Variants in GCNT1 observed in about 807,000 individuals in gnomAD.
The protein encoded by GCNT1 is beta-1,3-galactosyl-O-glycosyl-glycoprotein beta-1,6-N-acetylglucosaminyltransferase.
A neutral mutation model predicts 26.2 loss-of-function variants in GCNT1; 16 were observed. The observed-to-expected ratio is 0.61, with a 90% CI of 0.41 to 0.93. The LOEUF (loss-of-function observed/expected upper bound fraction) is 0.93, where lower values mean the gene tolerates loss of function less well. Ranked by LOEUF, GCNT1 falls within the 40% of genes least tolerant of loss-of-function variation. The pLI, the probability that GCNT1 is intolerant of heterozygous loss-of-function variation, is 0.00. For synonymous variants in GCNT1, 183 were observed against 190.8 expected, an observed-to-expected ratio of 0.96 and a Z score of 0.34; for missense variants, 477 against 526.7, an observed-to-expected ratio of 0.91 and a Z score of 0.92.
chr9:76,495,650 A>C (rs1824888614), intron 2 of GCNT1, among the ~76,000 whole-genome samples: 1 of 152,140 alleles, frequency 6.6e-6, no homozygotes, highest in Non-Finnish European at 1.5e-5. Context: ...CTAGACACAG[A>C]GCACTGATTG....
chr9:76,441,232 G>A (rs181945396), upstream of GCNT1, among the ~76,000 whole-genome samples: 606 of 151,930 alleles, frequency 4.0e-3, 4 homozygotes, highest in African/African-American at 0.014. Context: ...TGCAACATCC[G>A]CCTCCCGGCC....
intron 2 of GCNT1, among the ~76,000 whole-genome samples, chr9:76,464,997 A>G (rs1044408693): frequency 3.3e-5 from 5 of 151,564 alleles, no homozygotes; most frequent in Non-Finnish European, 5.9e-5. Context: ...TGTTTTTGAG[A>G]CAGTCTTGCT....
chr9:76,453,367 G>A (rs550625017), intron 1 of GCNT1, among the ~76,000 whole-genome samples: 2 of 152,302 alleles, frequency 1.3e-5, no homozygotes, highest in African/African-American at 4.8e-5. Context: ...AAAAAGGAGG[G>A]ATGAGGATGA....
rs76486639 is a variant in GCNT1, at chr9:76,481,463, T to G, written c.-289-19453T>G. On this transcript the variant is annotated intron_variant, in intron 2 of 3. Coordinates refer to ENST00000376730, the MANE Select transcript of GCNT1 (RefSeq NM_001490.5). ...ATTGTTAGTGTTAGTGAATTTTATG[T>G]GTGGCCAAAAACACTTCTTCTTTTT... is the stretch of plus-strand genomic sequence containing the variant. Among the ~76,000 whole-genome samples the G allele has an allele frequency of 1.6e-4, 25 of 151,940 alleles. No individual in the cohort carries two copies. The East Asian group carries it at 4.9e-3, about 29-fold the overall frequency.
chr9:76,467,345 G>A (rs1318527007), intron 2 of GCNT1, among the ~76,000 whole-genome samples: 1 of 152,132 alleles, frequency 6.6e-6, no homozygotes, highest in Non-Finnish European at 1.5e-5. Context: ...CCCAGCCTCA[G>A]CTGATCTTTT....
intron 1 of GCNT1, among the ~76,000 whole-genome samples, chr9:76,425,760 T>G (rs1823251348): frequency 6.6e-6 from 1 of 152,032 alleles, no homozygotes; most frequent in Non-Finnish European, 1.5e-5. Flanking sequence ...TTAAGGACAA[T>G]TTGGTGTGTC....
chr9:76,482,585 C>T (rs1824451749), intron 2 of GCNT1, among the ~76,000 whole-genome samples: 1 of 151,908 alleles, frequency 6.6e-6, no homozygotes, highest in Non-Finnish European at 1.5e-5. Flanking sequence ...GATTGCACCA[C>T]TGCACTTCAG....
At chr9:76,445,692 T>C (rs769201063) in intron 1 of GCNT1, among the ~76,000 whole-genome samples, 2 of 151,294 alleles carry the variant, frequency 1.3e-5, no homozygotes, top group Non-Finnish European at 2.9e-5. Context: ...ATAAAAACTG[T>C]GGCTAGGTGG....
chr9:76,402,470 CATT>C, the GCNT1 span, among the ~76,000 whole-genome samples: 18 of 152,142 alleles, frequency 1.2e-4, no homozygotes, highest in African/African-American at 4.3e-4. Context: ...TCTGGTCTAA[CATT>C]GTTATTTTGC....
At chr9:76,394,497 C>T in the GCNT1 span, 1 of 247,276 alleles carries the variant, frequency 4.0e-6, no homozygotes, top group Non-Finnish European at 7.8e-6. Context: ...CGCCGGCGTG[C>T]GCTCCCTTCC....
intron 2 of GCNT1, among the ~76,000 whole-genome samples, chr9:76,461,194 CTTT>C (rs71372085): frequency 0.2 from 25,143 of 125,928 alleles, 2,875 homozygotes; most frequent in Non-Finnish European, 0.28. Context: ...GTGTAGGCAG[CTTT>C]TTTTTTTTTT....
chr9:76,396,082 C>G, the GCNT1 span, among the ~76,000 whole-genome samples: 1 of 152,146 alleles, frequency 6.6e-6, no homozygotes, highest in Admixed American at 6.5e-5. Context: ...TAAGAAAAGC[C>G]TGGAGGTGAG....
intron 2 of GCNT1, among the ~76,000 whole-genome samples, chr9:76,492,253 G>A (rs896664300): frequency 1.3e-5 from 2 of 151,992 alleles, no homozygotes; most frequent in Non-Finnish European, 2.9e-5. Flanking sequence ...TGGGTAACTT[G>A]TTCCCCATAT....
chr9:76,455,135 C>T (rs955246701), upstream of GCNT1, among the ~76,000 whole-genome samples: 1 of 152,110 alleles, frequency 6.6e-6, no homozygotes, highest in African/African-American at 2.4e-5. Context: ...CGTGAGCCAC[C>T]GCACCCAGCC....
At chr9:76,408,964 C>T in the GCNT1 span, among the ~76,000 whole-genome samples, 89 of 152,294 alleles carry the variant, frequency 5.8e-4, no homozygotes, top group East Asian at 0.014. Flanking sequence ...GCTGAGATTA[C>T]AGGTGTGGGC....
the GCNT1 span, among the ~76,000 whole-genome samples, chr9:76,413,668 G>GTTTTTTTTTTTTT: frequency 2.4e-5 from 2 of 84,208 alleles, no homozygotes; most frequent in African/African-American, 4.0e-5. Context: ...TTTTTTTTTT[G>GTTTTTTTTTTTTT]TTTTTTTTTT....
At chr9:76,498,252 T>A (rs1420199907) in intron 2 of GCNT1, among the ~76,000 whole-genome samples, 1 of 152,208 alleles carries the variant, frequency 6.6e-6, no homozygotes, top group Non-Finnish European at 1.5e-5. Context: ...CTTCCACTAT[T>A]TTAGCTATTA....
chr9:76,402,356 T>C, the GCNT1 span, among the ~76,000 whole-genome samples: 1 of 152,236 alleles, frequency 6.6e-6, no homozygotes, highest in East Asian at 1.9e-4. Flanking sequence ...GAAAACATAT[T>C]TTAAAATAAC....
intron 2 of GCNT1, among the ~76,000 whole-genome samples, chr9:76,491,158 C>T (rs1316224493): frequency 6.6e-6 from 1 of 151,744 alleles, no homozygotes; most frequent in African/African-American, 2.4e-5. Context: ...TGTCTCTCTT[C>T]CTCTCTCTCT....
Sources: allele counts gnomAD v4.1 joint callset (sites outside exome capture counted in the v4.1 genomes callset), GRCh38; gene constraint gnomAD v4.1.1; transcripts MANE v1.5; gene names NCBI Gene and HGNC (gene_info 2026-07-23, HGNC 2026-07-21).